STRN: variants seen among roughly 807,000 people sequenced by gnomAD.
The protein encoded by STRN is protein phosphatase 2 regulatory subunit B'''alpha.
STRN carries 53 observed loss-of-function variants against 96.3 expected under a neutral mutation model. The observed-to-expected ratio is 0.55, with a 90% CI of 0.44 to 0.69. STRN has a LOEUF of 0.69. STRN is among the 30% of genes least tolerant of loss of function. The pLI is 0.00. For missense variants in STRN, 987 were observed against 963.9 expected (o/e 1.02, Z -0.32); for synonymous variants, 428 against 355.9 (o/e 1.20, Z -2.28).
intron 1 of STRN, among the ~76,000 whole-genome samples, chr2:36,954,075 T>C (rs1378941078): frequency 6.6e-6 from 1 of 152,006 alleles, no homozygotes; most frequent in Non-Finnish European, 1.5e-5. Flanking sequence ...ACATAAAAAT[T>C]AAAAATAACC....
At chr2:36,933,634 GT>G (rs1670628893) in intron 1 of STRN, among the ~76,000 whole-genome samples, 1 of 152,114 alleles carries the variant, frequency 6.6e-6, no homozygotes, top group Non-Finnish European at 1.5e-5. Context: ...GTTTTTGGAA[GT>G]TTTTTTGAGA....
intron 13 of STRN, 66 bp from the exon 14 acceptor site, chr2:36,858,089 G>A (rs1668392786): frequency 3.6e-6 from 5 of 1,387,346 alleles, no homozygotes; most frequent in Non-Finnish European, 4.9e-6. Flanking sequence ...AGATTTCAGA[G>A]AAAGTAAAAT....
At chr2:36,861,029 T>A (rs1269981985) in intron 13 of STRN, 103 bp downstream of exon 13, 12 of 1,372,160 alleles carry the variant, frequency 8.7e-6, no homozygotes, top group African/African-American at 1.5e-5. Context: ...TCTCTTTACC[T>A]ATTTATTTTC....
intron 1 of STRN, among the ~76,000 whole-genome samples, chr2:36,944,317 C>A (rs1670925570): frequency 6.6e-6 from 1 of 152,130 alleles, no homozygotes; most frequent in African/African-American, 2.4e-5. Context: ...ATTTTGCCAT[C>A]AAGGTGGGCA....
At chr2:36,953,475 T>G (rs1362357439) in intron 1 of STRN, among the ~76,000 whole-genome samples, 1 of 149,522 alleles carries the variant, frequency 6.7e-6, no homozygotes, top group African/African-American at 2.5e-5. Flanking sequence ...CAATCTCAGC[T>G]CACTGCAAGC....
intron 2 of STRN, among the ~76,000 whole-genome samples, chr2:36,924,253 G>A (rs1374623735): frequency 6.6e-6 from 1 of 151,658 alleles, no homozygotes; most frequent in Non-Finnish European, 1.5e-5. Flanking sequence ...CTACTTGGGA[G>A]GCTGAGGCAG....
intron 1 of STRN, among the ~76,000 whole-genome samples, chr2:36,964,180 C>CGGCG (rs1665096988): frequency 2.7e-5 from 2 of 74,700 alleles, no homozygotes; most frequent in African/African-American, 1.6e-4. Context: ...GTGAACGGGG[C>CGGCG]GGGGCGGGGG....
At chr2:36,925,081 C>T (rs765414892) in intron 2 of STRN, 24 bp downstream of exon 2, 3 of 1,580,668 alleles carry the variant, frequency 1.9e-6, no homozygotes, top group East Asian at 4.5e-5. Context: ...AAAAAGAACA[C>T]CACTTTTCAT....
chr2:36,857,989 G>A lies in STRN; in HGVS notation c.1704C>T (p.His568=). ...AAGCCAAACCCCAGACTGCATCCGT[G>A]TGGCCTAGCAGAGGGCCTCGTAAAA... ...PSVLRGPLLG[H]TDAVWGLAYS... is the part of the protein sequence containing the mutation. The change falls in exon 14 of 18, where the codon CAC becomes CAT. Residue 568 remains histidine (H), a synonymous_variant. Coordinates refer to ENST00000263918, the MANE Select transcript of STRN (RefSeq NM_003162.4). The A allele has an allele frequency of 6.2e-7, 1 of 1,611,370 alleles. No individual in the cohort carries two copies. Among genetic ancestry groups the A allele is most frequent in the South Asian group, 1.1e-5 (1 of 90,650 alleles).
At position 36,849,242 on chromosome 2, in the gene STRN, G is replaced by T; in HGVS notation, c.*214C>A. The T allele has an allele frequency of 1.8e-6, 1 of 552,718 alleles. No individual in the cohort carries two copies. The highest frequency in any genetic ancestry group is 1.9e-5 in the African/African-American group (1 of 53,334). The allele number at this position is 552,718 out of a possible 1,614,324, so 34.2% of individuals were successfully genotyped here. On this transcript the variant is annotated 3_prime_UTR_variant, in exon 18 of 18. Coordinates refer to ENST00000263918, the MANE Select transcript of STRN (RefSeq NM_003162.4). ...GGGAGAAATTTGAAACAGACCTCAGGCTCACAGATTCAGCTGAGCTTGCAG... is the reference window on the plus strand; with the variant it reads ...GGGAGAAATTTGAAACAGACCTCAGTCTCACAGATTCAGCTGAGCTTGCAG...
At chr2:36,886,169 T>C (rs1207998094) in intron 8 of STRN, among the ~76,000 whole-genome samples, 2 of 152,134 alleles carry the variant, frequency 1.3e-5, no homozygotes, top group African/African-American at 4.8e-5. Context: ...TGGCCAAAAA[T>C]GTTTAAATAG....
intron 1 of STRN, among the ~76,000 whole-genome samples, chr2:36,955,423 C>G (rs1664861472): frequency 6.6e-6 from 1 of 152,178 alleles, no homozygotes; most frequent in African/African-American, 2.4e-5. Context: ...CATATGCATG[C>G]GTGTGTATCC....
intron 9 of STRN, 31 bp downstream of exon 9, chr2:36,883,901 T>C (rs1669143100): frequency 7.6e-7 from 1 of 1,318,472 alleles, no homozygotes; most frequent in South Asian, 3.1e-5. Flanking sequence ...TCCAAGTGCA[T>C]TTTGTGCTCC....
intron 6 of STRN, among the ~76,000 whole-genome samples, chr2:36,896,213 T>C (rs1320136870): frequency 6.6e-6 from 1 of 152,174 alleles, no homozygotes; most frequent in African/African-American, 2.4e-5. Flanking sequence ...ACATTAAATA[T>C]TAGGTATTAA....
chr2:36,853,891 C>T (rs1339701119), intron 15 of STRN, among the ~76,000 whole-genome samples: 3 of 152,150 alleles, frequency 2.0e-5, no homozygotes, highest in Admixed American at 6.5e-5. Context: ...AATGTCAGGA[C>T]ATATTACAAC....
intron 1 of STRN, among the ~76,000 whole-genome samples, chr2:36,949,882 A>G (rs1282106999): frequency 6.6e-6 from 1 of 152,234 alleles, no homozygotes; most frequent in African/African-American, 2.4e-5. Flanking sequence ...TAAATCATCC[A>G]AAGAAAAGGA....
chr2:36,849,650 G>A (rs1295364239), intron 17 of STRN, 25 bp from the exon 18 acceptor site: 1 of 1,611,654 alleles, frequency 6.2e-7, no homozygotes, highest in South Asian at 1.1e-5. Context: ...AAAATTAAAA[G>A]GAAAAATTAC....
chr2:36,882,636 G>A (rs956653721), intron 9 of STRN, among the ~76,000 whole-genome samples: 2 of 152,168 alleles, frequency 1.3e-5, no homozygotes, highest in East Asian at 1.9e-4. Context: ...GGGCATGGTG[G>A]CATGTGCCTA....
chr2:36,955,793 A>G (rs1306760337), intron 1 of STRN, among the ~76,000 whole-genome samples: 3 of 152,250 alleles, frequency 2.0e-5, no homozygotes, highest in African/African-American at 7.2e-5. Flanking sequence ...GCTCGGGACC[A>G]GAAGTGTTTT....
Sources: allele counts gnomAD v4.1 joint callset (sites outside exome capture counted in the v4.1 genomes callset), GRCh38; gene constraint gnomAD v4.1.1; transcripts MANE v1.5; gene names NCBI Gene and HGNC (gene_info 2026-07-23, HGNC 2026-07-21).